Variants in EPB41L4B observed in about 807,000 individuals in gnomAD.
The protein encoded by EPB41L4B is band 4.1-like protein 4B.
In EPB41L4B, 30 loss-of-function variants were observed where a neutral mutation model predicts 112.5. The ratio of observed to expected loss-of-function variants is 0.27; its 90% CI spans 0.20 to 0.36. EPB41L4B has a LOEUF of 0.36. Among genes scored for constraint, EPB41L4B ranks in the 10% least tolerant of loss-of-function variants. The pLI is 1.00. For synonymous variants in EPB41L4B, 408 were observed against 439.7 expected (o/e 0.93, Z 0.90); for missense variants, 1,024 against 1,133.3 (o/e 0.90, Z 1.38).
chr9:109,207,566 G>T (rs1833027560), intron 18 of EPB41L4B, among the ~76,000 whole-genome samples: 1 of 151,628 alleles, frequency 6.6e-6, no homozygotes, highest in Non-Finnish European at 1.5e-5. Flanking sequence ...AGTGAGACAA[G>T]AAAGAAAGAA....
At chr9:109,185,734 T>G in intron 22 of EPB41L4B, 129 bp from the exon 23 acceptor site, 1 of 628,410 alleles carries the variant, frequency 1.6e-6, no homozygotes, top group Non-Finnish European at 2.5e-6. Flanking sequence ...CTCCAGACTG[T>G]TCTCAAGCCA....
At chr9:109,295,663 T>C (rs1836708244) in intron 1 of EPB41L4B, among the ~76,000 whole-genome samples, 1 of 152,162 alleles carries the variant, frequency 6.6e-6, no homozygotes, top group Non-Finnish European at 1.5e-5. Flanking sequence ...TGGGACTATG[T>C]TCAGGCGACT....
Position 109,203,621 on chromosome 9 carries a change from ACAGAGAATAT to A in EPB41L4B, c.1946+32_1946+41del, listed in dbSNP as rs1255765762. 2.7e-6 allele frequency: 4 copies of A among 1,460,736 alleles called. No individual in the cohort carries two copies. The East Asian group carries it at 6.8e-5, about 25-fold the overall frequency. The allele number at this position is 1,460,736 out of a possible 1,614,324, so 90.5% of individuals were successfully genotyped here. A position where few individuals can be genotyped will look rare whatever the true frequency, so the allele number is the denominator to read the frequency against. ...ATGTTTCAAGGATAATGTTGATGAT[ACAGAGAATAT>A]CATTTCCCCATTCAGACAAGGAGCA... On this transcript the variant is annotated intron_variant, in intron 19 of 25. Coordinates refer to ENST00000374566, the MANE Select transcript of EPB41L4B (RefSeq NM_019114.5).
intron 24 of EPB41L4B, among the ~76,000 whole-genome samples, chr9:109,178,810 A>G (rs1831940917): frequency 1.3e-5 from 2 of 149,914 alleles, no homozygotes; most frequent in Admixed American, 6.8e-5. Context: ...AGGTGATAGT[A>G]AGTAAATGGG....
intron 2 of EPB41L4B, 114 bp downstream of exon 2, chr9:109,279,703 G>T: frequency 1.2e-6 from 1 of 856,028 alleles, no homozygotes; most frequent in Non-Finnish European, 1.8e-6. Context: ...CCTGTTACTG[G>T]CACAGTATCA....
chr9:109,275,801 T>C (rs1439914152), intron 2 of EPB41L4B, among the ~76,000 whole-genome samples: 1 of 152,068 alleles, frequency 6.6e-6, no homozygotes, highest in Non-Finnish European at 1.5e-5. Flanking sequence ...ATTGCAAAAT[T>C]TGAGTTTGAG....
intron 15 of EPB41L4B, 136 bp from the exon 16 acceptor site, chr9:109,217,281 G>T: frequency 1.4e-6 from 1 of 708,918 alleles, no homozygotes; most frequent in Non-Finnish European, 2.4e-6. Flanking sequence ...TTATTATAAA[G>T]TATATACAAT....
rs187450152 is a variant in EPB41L4B, at chr9:109,197,489, G to A, written c.2045+2747C>T. On this transcript the variant is annotated intron_variant, in intron 20 of 25. Coordinates refer to ENST00000374566, the MANE Select transcript of EPB41L4B (RefSeq NM_019114.5). ...GAGCGGTAGCCAGCGTCAAGGATTC[G>A]AGAACTCTTTATGGGACAATAACAC... 2.3e-3 allele frequency among the ~76,000 whole-genome samples: 348 copies of A among 152,128 alleles called. 3 individuals are homozygous for A. Among genetic ancestry groups the A allele is most frequent in the African/African-American group, 8.0e-3 (332 of 41,512 alleles).
At chr9:109,188,622 C>T (rs1248777352) in intron 22 of EPB41L4B, among the ~76,000 whole-genome samples, 1 of 152,196 alleles carries the variant, frequency 6.6e-6, no homozygotes, top group African/African-American at 2.4e-5. Context: ...TCAGCTTCAG[C>T]CCTGCTGGTA....
rs752403352 is a variant in EPB41L4B, at chr9:109,321,008, A to AGCCGCCGCCGCC, written c.-574_-563dup. The AGCCGCCGCCGCC allele has an allele frequency of 5.8e-4, 106 of 181,304 alleles. 6 individuals carry two copies. The highest frequency in any genetic ancestry group is 1.3e-3 in the East Asian group (7 of 5,574). The allele number at this position is 181,304 out of a possible 1,614,324, so 11.2% of individuals were successfully genotyped here. Reference sequence around the variant, plus strand: ...CTCCCACCTGGGAGGCTGCACCTCCAGCCGCCGCCGCCGCCGCCGCCGCCG... The same window carrying AGCCGCCGCCGCC: ...CTCCCACCTGGGAGGCTGCACCTCCAGCCGCCGCCGCCGCCGCCGCCGCCGCCGCCGCCGCCG... On this transcript the variant is annotated 5_prime_UTR_variant, in exon 1 of 26. Transcript: ENST00000374566.
In EPB41L4B at chr9:109,241,865, G is replaced by GT. The variant is rs1457572601; in HGVS notation, c.1409+1752dup. 24 of 1,582,072 alleles carry GT rather than the reference G, an allele frequency of 1.5e-5. No individual in the cohort carries two copies. In the Admixed American group the frequency reaches 3.2e-4, roughly 21 times the overall value. Reference sequence around the variant, plus strand: ...GGAGAATGGAAGAAAATGCAGAAATGTAAGTGAAACAACACAAGCACAAAG... The same window carrying GT: ...GGAGAATGGAAGAAAATGCAGAAATGTTAAGTGAAACAACACAAGCACAAAG... On this transcript the variant is annotated intron_variant, in intron 15 of 25. Coordinates refer to ENST00000374566, the MANE Select transcript of EPB41L4B (RefSeq NM_019114.5).
chr9:109,272,974 G>C (rs1224311320), intron 2 of EPB41L4B, among the ~76,000 whole-genome samples: 4 of 152,138 alleles, frequency 2.6e-5, no homozygotes, highest in African/African-American at 4.8e-5. Context: ...TCAGCATCCA[G>C]TACTCTAGGT....
chr9:109,277,094 C>G (rs987995410), intron 2 of EPB41L4B, among the ~76,000 whole-genome samples: 10 of 151,998 alleles, frequency 6.6e-5, no homozygotes, highest in African/African-American at 2.4e-4. Context: ...TAGTTCAGGG[C>G]CACAGATATT....
intron 1 of EPB41L4B, among the ~76,000 whole-genome samples, chr9:109,294,728 A>G (rs1472318011): frequency 6.6e-6 from 1 of 151,936 alleles, no homozygotes; most frequent in Admixed American, 6.6e-5. Flanking sequence ...ATTAGTGAAT[A>G]TTTAAGTATT....
At chr9:109,216,791 C>T (rs562285964) in intron 16 of EPB41L4B, 131 bp downstream of exon 16, 35 of 944,852 alleles carry the variant, frequency 3.7e-5, no homozygotes, top group South Asian at 2.5e-4. Context: ...GGCCCAAACC[C>T]GGTAGCCCAG....
At chr9:109,228,456 C>T (rs1409356623) in intron 15 of EPB41L4B, among the ~76,000 whole-genome samples, 3 of 152,176 alleles carry the variant, frequency 2.0e-5, no homozygotes, top group African/African-American at 7.2e-5. Flanking sequence ...TCAGCAATGA[C>T]AAGTGCAAAT....
intron 6 of EPB41L4B, among the ~76,000 whole-genome samples, chr9:109,261,873 C>A (rs1164974941): frequency 1.3e-5 from 2 of 152,170 alleles, no homozygotes; most frequent in African/African-American, 4.8e-5. Flanking sequence ...GAAGTCAATT[C>A]TCATTATGGT....
chr9:109,271,534 T>C (rs1269821496), intron 2 of EPB41L4B, among the ~76,000 whole-genome samples: 1 of 152,168 alleles, frequency 6.6e-6, no homozygotes, highest in Non-Finnish European at 1.5e-5. Flanking sequence ...CTCTGATCAC[T>C]CGTGTTTTAT....
intron 6 of EPB41L4B, among the ~76,000 whole-genome samples, chr9:109,261,241 T>C (rs537283753): frequency 5.4e-4 from 82 of 151,990 alleles, no homozygotes; most frequent in Non-Finnish European, 9.4e-4. Context: ...TTGGCACAGA[T>C]GGCTATAGAT....
Sources: allele counts gnomAD v4.1 joint callset (sites outside exome capture counted in the v4.1 genomes callset), GRCh38; gene constraint gnomAD v4.1.1; transcripts MANE v1.5; gene names NCBI Gene and HGNC (gene_info 2026-07-23, HGNC 2026-07-21).